The following RFTN1 variants were observed in gnomAD, a reference collection of about 807,000 sequenced individuals.
The protein encoded by RFTN1 is raftlin, lipid raft linker 1, also known as raftlin.
A neutral mutation model predicts 46.5 loss-of-function variants in RFTN1; 26 were observed. That is an observed-to-expected ratio of 0.56 (90% CI 0.41 to 0.78). The LOEUF (loss-of-function observed/expected upper bound fraction) is 0.78. Ranked by LOEUF, RFTN1 falls within the 30% of genes least tolerant of loss-of-function variation. The probability of loss-of-function intolerance (pLI) is 0.00; values close to 1 mark genes in which losing one functional copy is unlikely to be tolerated. For synonymous variants in RFTN1, 261 were observed against 284.2 expected (o/e 0.92, Z 0.82); for missense variants, 693 against 718.7 (o/e 0.96, Z 0.41).
Position 16,499,003 on chromosome 3 carries a change from T to C in RFTN1, c.-8-5126A>G, listed in dbSNP as rs1055471035. ...AGAGGATGGAGGCAAAAGATGGGTATGTTGCTTTTGAGGGCAGTGGGAGGG... is the reference window on the plus strand; with the variant it reads ...AGAGGATGGAGGCAAAAGATGGGTACGTTGCTTTTGAGGGCAGTGGGAGGG... On this transcript the variant is annotated intron_variant, in intron 1 of 9. Coordinates refer to ENST00000334133, the MANE Select transcript of RFTN1 (RefSeq NM_015150.2). The surrounding 1 kb of genome is among the most constrained non-coding windows in gnomAD (Gnocchi z 4.9). Among the ~76,000 whole-genome samples, 28 of 152,176 alleles carry C rather than the reference T, an allele frequency of 1.8e-4. No individual in the cohort carries two copies. Among genetic ancestry groups the C allele is most frequent in the Non-Finnish European group, 3.4e-4 (23 of 68,036 alleles).
chr3:16,387,594 C>G lies in RFTN1; in HGVS notation c.442-9492G>C, dbSNP rs2074228011. Reference sequence around the variant, plus strand: ...TTTCTCTCTCTCTCTCTCTCTCTCTCTCTCTCTCTCTCTCTCTACTGGCTC... The same window carrying G: ...TTTCTCTCTCTCTCTCTCTCTCTCTGTCTCTCTCTCTCTCTCTACTGGCTC... On this transcript the variant is annotated intron_variant, in intron 4 of 9. Coordinates refer to ENST00000334133, the MANE Select transcript of RFTN1 (RefSeq NM_015150.2). The surrounding 1 kb of genome is among the most constrained non-coding windows in gnomAD (Gnocchi z 5.2). 1.3e-5 allele frequency among the ~76,000 whole-genome samples: 2 copies of G among 151,204 alleles called. No individual in the cohort carries two copies. Among genetic ancestry groups the G allele is most frequent in the South Asian group, 4.2e-4 (2 of 4,756 alleles).
At position 16,353,328 on chromosome 3, in the gene RFTN1, G is replaced by T. The variant is rs182064633; in HGVS notation, c.1146+4604C>A. 4.8e-4 allele frequency among the ~76,000 whole-genome samples: 73 copies of T among 152,306 alleles called. 2 individuals are homozygous for T. The highest frequency in any genetic ancestry group is 9.9e-4 in the Non-Finnish European group (67 of 68,020). On this transcript the variant is annotated intron_variant, in intron 7 of 9. Transcript: ENST00000334133. This position sits in a 1 kb window ranked among gnomAD's most constrained non-coding sequence, Gnocchi z 5.4. ...TGCCCCCAGCCTTAGAGAGGGGCAG[G>T]CAGGAGAGGGGCTGTCTGCAGGCCC...
chr3:16,477,586 G>A (rs1389352509), intron 2 of RFTN1, among the ~76,000 whole-genome samples: 3 of 152,172 alleles, frequency 2.0e-5, no homozygotes, highest in African/African-American at 4.8e-5. Flanking sequence ...AATGAATCAG[G>A]GACATATGGG....
Position 16,475,322 on chromosome 3 carries a change from T to C in RFTN1, c.145+18403A>G, listed in dbSNP as rs2076263135. Reference sequence around the variant, plus strand: ...TACAAACAGACCAAGACACCTAGTATGTTTAGAGTTTTGCTTACCAGCCCC... The same window carrying C: ...TACAAACAGACCAAGACACCTAGTACGTTTAGAGTTTTGCTTACCAGCCCC... On this transcript the variant is annotated intron_variant, in intron 2 of 9. Coordinates refer to ENST00000334133, the MANE Select transcript of RFTN1 (RefSeq NM_015150.2). The surrounding 1 kb of genome is among the most constrained non-coding windows in gnomAD (Gnocchi z 4.2). 6.6e-6 allele frequency among the ~76,000 whole-genome samples: 1 copy of C among 152,232 alleles called. No individual in the cohort carries two copies. The highest frequency in any genetic ancestry group is 6.5e-5 in the Admixed American group (1 of 15,286).
rs2076761614 is a variant in RFTN1, at chr3:16,504,138, A to G, written c.-9+9304T>C. On this transcript the variant is annotated intron_variant, in intron 1 of 9. Transcript: ENST00000334133. This position sits in a 1 kb window ranked among gnomAD's most constrained non-coding sequence, Gnocchi z 4.4. ...TGGCATGCCCTAGACTAAAAAAAAA[A>G]TACCCAATAGTTCGTTTTATTAAGT... 6.6e-6 allele frequency among the ~76,000 whole-genome samples: 1 copy of G among 151,350 alleles called. No homozygotes were observed. The highest frequency in any genetic ancestry group is 1.5e-5 in the Non-Finnish European group (1 of 67,786).
In RFTN1 at chr3:16,376,756, C is replaced by T. The variant is rs2073789341; in HGVS notation, c.826+962G>A. 6.6e-6 allele frequency among the ~76,000 whole-genome samples: 1 copy of T among 152,164 alleles called. No homozygotes were observed. The highest frequency in any genetic ancestry group is 2.4e-5 in the African/African-American group (1 of 41,434). On this transcript the variant is annotated intron_variant, in intron 5 of 9. Transcript: ENST00000334133. This position sits in a 1 kb window ranked among gnomAD's most constrained non-coding sequence, Gnocchi z 4.7. Reference sequence around the variant, plus strand: ...TCTAAATCAACTTTGCAAATAAGCCCCTGGAATTAACCATCCCATAATTTT... The same window carrying T: ...TCTAAATCAACTTTGCAAATAAGCCTCTGGAATTAACCATCCCATAATTTT...
intron 2 of RFTN1, among the ~76,000 whole-genome samples, chr3:16,453,459 G>A (rs777034804): frequency 4.6e-5 from 7 of 152,110 alleles, no homozygotes; most frequent in Non-Finnish European, 8.8e-5. Context: ...ACCAACAAAC[G>A]ACACCTCCTT....
In RFTN1 at chr3:16,506,973, G is replaced by A. The variant is rs779621184; in HGVS notation, c.-9+6469C>T. On this transcript the variant is annotated intron_variant, in intron 1 of 9. Coordinates refer to ENST00000334133, the MANE Select transcript of RFTN1 (RefSeq NM_015150.2). The surrounding 1 kb of genome is among the most constrained non-coding windows in gnomAD (Gnocchi z 4.8). The stretch of plus-strand genomic sequence containing the variant: ...TCAAATTCACTTTCTTAACAGTACA[G>A]CACAGGGGTTGGTCATACAGGCTCT... 6.6e-6 allele frequency among the ~76,000 whole-genome samples: 1 copy of A among 152,186 alleles called. No homozygotes were observed.
rs1278062436 is a variant in RFTN1, at chr3:16,449,863, G to A, written c.146-15826C>T. On this transcript the variant is annotated intron_variant, in intron 2 of 9. Coordinates refer to ENST00000334133, the MANE Select transcript of RFTN1 (RefSeq NM_015150.2). The surrounding 1 kb of genome is among the most constrained non-coding windows in gnomAD (Gnocchi z 5.1). The stretch of plus-strand genomic sequence containing the variant: ...AAAGGGATGTGAGGAGGAAGGGGCA[G>A]GGCGTGTCTGCAATGGAACTGCAGA... 3.9e-5 allele frequency among the ~76,000 whole-genome samples: 6 copies of A among 152,194 alleles called. No individual in the cohort carries two copies. Among genetic ancestry groups the A allele is most frequent in the Non-Finnish European group, 4.4e-5 (3 of 68,038 alleles).
chr3:16,391,877 T>G (rs1559317856), intron 4 of RFTN1, among the ~76,000 whole-genome samples: 5 of 46,534 alleles, frequency 1.1e-4, no homozygotes, highest in African/African-American at 5.1e-4. Context: ...TTGTTTTTTT[T>G]TTTTGTTTTT....
chr3:16,377,473 C>G (rs935082655), intron 5 of RFTN1, among the ~76,000 whole-genome samples: 2 of 152,186 alleles, frequency 1.3e-5, no homozygotes, highest in African/African-American at 2.4e-5. Context: ...CCACTTCAAA[C>G]GTGACATTTT....
chr3:16,460,152 G>A lies in RFTN1; in HGVS notation c.146-26115C>T, dbSNP rs1305507453. ...ATGCATGGTGGAAGGAGTAAACTGTGTAGATTATTCTGGCCCTGCAAAACA... is the reference window on the plus strand; with the variant it reads ...ATGCATGGTGGAAGGAGTAAACTGTATAGATTATTCTGGCCCTGCAAAACA... On this transcript the variant is annotated intron_variant, in intron 2 of 9. Coordinates refer to ENST00000334133, the MANE Select transcript of RFTN1 (RefSeq NM_015150.2). This position sits in a 1 kb window ranked among gnomAD's most constrained non-coding sequence, Gnocchi z 4.8. 2.0e-5 allele frequency among the ~76,000 whole-genome samples: 3 copies of A among 152,178 alleles called. No homozygotes were observed. The highest frequency in any genetic ancestry group is 4.4e-5 in the Non-Finnish European group (3 of 68,042).
intron 1 of RFTN1, among the ~76,000 whole-genome samples, chr3:16,508,625 G>T (rs1029022297): frequency 1.3e-5 from 2 of 152,042 alleles, no homozygotes; most frequent in African/African-American, 4.8e-5. Flanking sequence ...CCCCTTTGGG[G>T]CCCAGGAGAA....
Position 16,433,498 on chromosome 3 carries a change from T to G in RFTN1, c.332+353A>C, listed in dbSNP as rs2075435924. Reference sequence around the variant, plus strand: ...CTAAACAAAATTATTTGTTTTCCAGTCATGCCTTTCAGTTTAAAAGTATTG... The same window carrying G: ...CTAAACAAAATTATTTGTTTTCCAGGCATGCCTTTCAGTTTAAAAGTATTG... On this transcript the variant is annotated intron_variant, in intron 3 of 9. Coordinates refer to ENST00000334133, the MANE Select transcript of RFTN1 (RefSeq NM_015150.2). This position sits in a 1 kb window ranked among gnomAD's most constrained non-coding sequence, Gnocchi z 4.4. Among the ~76,000 whole-genome samples, 1 of 152,240 alleles carries G rather than the reference T, an allele frequency of 6.6e-6. No homozygotes were observed. The highest frequency in any genetic ancestry group is 1.5e-5 in the Non-Finnish European group (1 of 68,040).
intron 4 of RFTN1, among the ~76,000 whole-genome samples, chr3:16,389,915 A>G (rs1012410857): frequency 2.0e-5 from 3 of 152,158 alleles, no homozygotes; most frequent in Non-Finnish European, 4.4e-5. Context: ...ATGAACTTCT[A>G]CCTTCTTCTC....
chr3:16,485,546 A>T, intron 2 of RFTN1, among the ~76,000 whole-genome samples: 1 of 152,276 alleles, frequency 6.6e-6, no homozygotes, highest in Non-Finnish European at 1.5e-5. Context: ...CCAGAGGCAC[A>T]CACACGGTAT....
intron 2 of RFTN1, among the ~76,000 whole-genome samples, chr3:16,462,562 G>A (rs1387709633): frequency 6.6e-6 from 1 of 152,250 alleles, no homozygotes; most frequent in Admixed American, 6.5e-5. Flanking sequence ...AAGGCAATAT[G>A]AAGACAGAGC....
intron 7 of RFTN1, among the ~76,000 whole-genome samples, chr3:16,354,557 A>G (rs1326331161): frequency 6.6e-6 from 1 of 152,222 alleles, no homozygotes; most frequent in Non-Finnish European, 1.5e-5. Flanking sequence ...AGCAGCCTTG[A>G]TGATCTCAGA....
rs921214935 is a variant in RFTN1 at position 16,479,983 on chromosome 3, G to C, written c.145+13742C>G. 6.6e-6 allele frequency among the ~76,000 whole-genome samples: 1 copy of C among 152,288 alleles called. No homozygotes were observed. Among genetic ancestry groups the C allele is most frequent in the African/African-American group, 2.4e-5 (1 of 41,560 alleles). On this transcript the variant is annotated intron_variant, in intron 2 of 9. Transcript: ENST00000334133. The surrounding 1 kb of genome is among the most constrained non-coding windows in gnomAD (Gnocchi z 5.1). ...ATATAGGAGAACAGACACCAGACTA[G>C]GACATTAAAAACTCCAGAATTTGGT...
Sources: gnomAD v4.1 joint callset for allele counts (sites outside exome capture counted in the v4.1 genomes callset) on GRCh38, gnomAD v4.1.1 for gene constraint, Gnocchi (gnomAD v3.1) non-coding constraint, MANE v1.5 for transcripts, NCBI Gene and HGNC (gene_info 2026-07-23, HGNC 2026-07-21) for gene names.